Variants in RIPOR1 observed in about 807,000 individuals in gnomAD.
RIPOR1 encodes the protein rho family-interacting cell polarization regulator 1.
In RIPOR1, 58 loss-of-function variants were observed where a neutral mutation model predicts 116.5. The ratio of observed to expected loss-of-function variants is 0.50; its 90% CI spans 0.40 to 0.62. The LOEUF (loss-of-function observed/expected upper bound fraction) is 0.62, where lower values mean the gene tolerates loss of function less well. RIPOR1 is among the 20% of genes least tolerant of loss of function. RIPOR1 has a pLI of 0.00. For missense variants in RIPOR1, 1,372 were observed against 1,586.2 expected, an observed-to-expected ratio of 0.86 and a Z score of 2.29; for synonymous variants, 605 against 650.0, an observed-to-expected ratio of 0.93 and a Z score of 1.05.
chr16:67,539,994 G>C, intron 6 of RIPOR1, 59 bp from the exon 7 acceptor site: 1 of 1,613,448 alleles, frequency 6.2e-7, no homozygotes, highest in Non-Finnish European at 8.5e-7. Flanking sequence ...AACCTTAGAG[G>C]TGAGTAACCC....
rs942421646 is a variant in RIPOR1, at chr16:67,541,597, C to T, written c.950+19C>T. 3 of 1,613,960 alleles carry T rather than the reference C, an allele frequency of 1.9e-6. No homozygotes were observed. Among genetic ancestry groups the T allele is most frequent in the Non-Finnish European group, 8.5e-7 (1 of 1,179,862 alleles). On this transcript the variant is annotated intron_variant, in intron 11 of 21. Transcript: ENST00000042381. The surrounding 1 kb of genome is among the most constrained non-coding windows in gnomAD (Gnocchi z 4.6). ...CATGGAGGTTGGTGGGGCTGAGAGGCTTGGAGGAGGGCCAGGAGGGCTGTG... is the reference window on the plus strand; with the variant it reads ...CATGGAGGTTGGTGGGGCTGAGAGGTTTGGAGGAGGGCCAGGAGGGCTGTG...
At chr16:67,534,647 T>A (rs547783395) in intron 1 of RIPOR1, among the ~76,000 whole-genome samples, 1 of 152,234 alleles carries the variant, frequency 6.6e-6, no homozygotes, top group East Asian at 1.9e-4. Context: ...CTGACTTCTA[T>A]CACCATAGAT....
intron 4 of RIPOR1, 85 bp from the exon 5 acceptor site, chr16:67,539,643 A>C: frequency 6.7e-7 from 1 of 1,500,466 alleles, no homozygotes; most frequent in South Asian, 1.1e-5. Flanking sequence ...GGTGTGAGAA[A>C]GGGGAGCTGT....
intron 1 of RIPOR1, among the ~76,000 whole-genome samples, chr16:67,519,011 G>A (rs926009574): frequency 8.5e-5 from 13 of 152,364 alleles, no homozygotes; most frequent in Non-Finnish European, 1.6e-4. Context: ...CAGGCCAGGC[G>A]CAGTGGCTCA....
Position 67,544,191 on chromosome 16 carries a change from T to C in RIPOR1, c.2601-108T>C. On this transcript the variant is annotated intron_variant, in intron 14 of 21. Coordinates refer to ENST00000042381, the MANE Select transcript of RIPOR1 (RefSeq NM_024519.4). The surrounding 1 kb of genome is among the most constrained non-coding windows in gnomAD (Gnocchi z 5.1). ...AACTTACCCCACTGTCTGCTGTCGG[T>C]GCATCATCTTCTTCCTTTCTGGCAT... The C allele has an allele frequency of 7.1e-7, 1 of 1,401,194 alleles. No individual in the cohort carries two copies. The highest frequency in any genetic ancestry group is 9.7e-7 in the Non-Finnish European group (1 of 1,029,010). The allele number at this position is 1,401,194 out of a possible 1,614,324, so 86.8% of individuals were successfully genotyped here. A position where few individuals can be genotyped will look rare whatever the true frequency, so the allele number is the denominator to read the frequency against.
At chr16:67,532,564 A>G (rs2050689554) in intron 1 of RIPOR1, among the ~76,000 whole-genome samples, 1 of 152,118 alleles carries the variant, frequency 6.6e-6, no homozygotes, top group Non-Finnish European at 1.5e-5. Flanking sequence ...GGACATCCTC[A>G]TGAGAGGAGA....
chr16:67,540,297 C>T lies in RIPOR1; in HGVS notation c.568-3C>T. ...CCCTCCTGTCCCTGCCCCTCCCTCC[C>T]AGAGCATGTGTCTGCTGGAGAGCGA... is the stretch of plus-strand genomic sequence containing the variant. On this transcript the variant is annotated splice_polypyrimidine_tract_variant and splice_region_variant and intron_variant, in intron 7 of 21. Transcript: ENST00000042381. This position sits in a 1 kb window ranked among gnomAD's most constrained non-coding sequence, Gnocchi z 4.7. The T allele has an allele frequency of 6.2e-7, 1 of 1,614,136 alleles. No homozygotes were observed. The highest frequency in any genetic ancestry group is 8.5e-7 in the Non-Finnish European group (1 of 1,180,022).
intron 1 of RIPOR1, among the ~76,000 whole-genome samples, chr16:67,519,315 T>G (rs2050474073): frequency 6.7e-6 from 1 of 148,474 alleles, no homozygotes; most frequent in African/African-American, 2.5e-5. Context: ...GCCCACCCTG[T>G]GCAAAGATGG....
rs1224631633 is a variant in RIPOR1, at chr16:67,543,704, C to T, written c.2600+235C>T. ...CGTGTGTCCCCAGTGCTTCTGACCG[C>T]CCTCTTCATCTCTGCAATGTCTGCC... On this transcript the variant is annotated intron_variant, in intron 14 of 21. Transcript: ENST00000042381. This position sits in a 1 kb window ranked among gnomAD's most constrained non-coding sequence, Gnocchi z 4.7. 5.9e-5 allele frequency: 35 copies of T among 592,618 alleles called. No homozygotes were observed. The highest frequency in any genetic ancestry group is 1.0e-4 in the Non-Finnish European group (34 of 335,964). The allele number at this position is 592,618 out of a possible 1,614,324, so 36.7% of individuals were successfully genotyped here.
intron 1 of RIPOR1, among the ~76,000 whole-genome samples, chr16:67,523,522 A>T (rs1035096227): frequency 2.1e-3 from 154 of 72,728 alleles, no homozygotes; most frequent in African/African-American, 6.9e-3. Context: ...AAGACTCCAT[A>T]AAAAAAAAAA....
chr16:67,523,521 T>TAAAAA (rs1169903442), intron 1 of RIPOR1, among the ~76,000 whole-genome samples: 1 of 44,042 alleles, frequency 2.3e-5, no homozygotes, highest in African/African-American at 7.0e-5. Flanking sequence ...CAAGACTCCA[T>TAAAAA]AAAAAAAAAA....
chr16:67,528,441 C>T (rs577821372), upstream of RIPOR1: 3 of 152,302 alleles, frequency 2.0e-5, no homozygotes. Flanking sequence ...CTCCCCAAGG[C>T]CTTCACAACA....
chr16:67,524,009 T>A (rs903018873), upstream of RIPOR1, among the ~76,000 whole-genome samples: 5 of 151,978 alleles, frequency 3.3e-5, no homozygotes, highest in African/African-American at 1.2e-4. Context: ...CAATTCCTAC[T>A]CTCTTGAGTG....
chr16:67,521,647 C>T (rs991145596), intron 1 of RIPOR1, among the ~76,000 whole-genome samples: 38 of 152,258 alleles, frequency 2.5e-4, no homozygotes, highest in African/African-American at 8.7e-4. Context: ...CCCAAACCAG[C>T]AGAGCACCGC....
intron 1 of RIPOR1, among the ~76,000 whole-genome samples, chr16:67,521,281 A>G (rs1381651463): frequency 6.6e-6 from 1 of 152,184 alleles, no homozygotes; most frequent in African/African-American, 2.4e-5. Context: ...TTTACTTCTT[A>G]GGAGCAGAGT....
In RIPOR1 at chr16:67,545,059, C is replaced by A. The variant is rs201069301; in HGVS notation, c.2973C>A (p.Thr991=). The change falls in exon 17 of 22, where the codon ACC becomes ACA. Residue 991 remains threonine, a synonymous_variant. Coordinates refer to ENST00000042381, the MANE Select transcript of RIPOR1 (RefSeq NM_024519.4). This position sits in a 1 kb window ranked among gnomAD's most constrained non-coding sequence, Gnocchi z 4.8. ...GCCCGGTGGAGCGGGTGCTTCTCACCTTCTGCAACCAGTATGGTGCCCGCC... is the reference window on the plus strand; with the variant it reads ...GCCCGGTGGAGCGGGTGCTTCTCACATTCTGCAACCAGTATGGTGCCCGCC... ...FLCPVERVLL[T]FCNQYGARLS... is the part of the protein sequence containing the mutation. 5.0e-6 allele frequency: 8 copies of A among 1,613,038 alleles called. No individual in the cohort carries two copies. Among genetic ancestry groups the A allele is most frequent in the African/African-American group, 1.3e-5 (1 of 74,918 alleles).
chr16:67,523,720 G>A, intron 1 of RIPOR1, among the ~76,000 whole-genome samples: 1 of 148,178 alleles, frequency 6.7e-6, no homozygotes, highest in East Asian at 2.0e-4. Flanking sequence ...TCGCTCTGTT[G>A]CCCAGGCTGG....
In RIPOR1 at chr16:67,542,639, C is replaced by A; in HGVS notation, c.1853C>A (p.Thr618Asn). The change falls in exon 13 of 22, where the codon ACT becomes AAT. Residue 618 changes from threonine to asparagine, a missense_variant. Physicochemically the swap from Thr to Asn is moderately conservative, Grantham distance 65. Around this residue, in one of 3 missense-constraint regions of RIPOR1, gnomAD observed 1,005 missense variants for 1,144.7 expected, o/e 0.88. Transcript: ENST00000042381. The surrounding 1 kb of genome is among the most constrained non-coding windows in gnomAD (Gnocchi z 4.6). Reference protein sequence around the residue: ...PTHTTASPTHTSTSPTHTPTS... With the variant: ...PTHTTASPTHNSTSPTHTPTS... Reference sequence around the variant, plus strand: ...CATACCACAGCAAGCCCCACTCATACTTCCACAAGCCCCACCCATACCCCC... The same window carrying A: ...CATACCACAGCAAGCCCCACTCATAATTCCACAAGCCCCACCCATACCCCC... The A allele has an allele frequency of 6.2e-7, 1 of 1,613,490 alleles. No homozygotes were observed. The highest frequency in any genetic ancestry group is 8.5e-7 in the Non-Finnish European group (1 of 1,179,780).
chr16:67,542,764 C>A lies in RIPOR1; in HGVS notation c.1978C>A (p.Pro660Thr). The A allele has an allele frequency of 6.2e-7, 1 of 1,612,358 alleles. No individual in the cohort carries two copies. The highest frequency in any genetic ancestry group is 8.5e-7 in the Non-Finnish European group (1 of 1,179,512). The change falls in exon 13 of 22, where the codon CCT becomes ACT. Residue 660 changes from proline to threonine, a missense_variant. Pro to Thr is a conservative substitution (Grantham distance 38). Transcript: ENST00000042381. The surrounding 1 kb of genome is among the most constrained non-coding windows in gnomAD (Gnocchi z 4.6). Reference sequence around the variant, plus strand: ...CCAGACTGCCACAAGTCCCACCCATCCTACCACAAGCCCCACCCATCCCAC... The same window carrying A: ...CCAGACTGCCACAAGTCCCACCCATACTACCACAAGCCCCACCCATCCCAC... Reference protein sequence around the residue: ...LVQTATSPTHPTTSPTHPTTS... With the variant: ...LVQTATSPTHTTTSPTHPTTS...
Sources: allele counts gnomAD v4.1 joint callset (sites outside exome capture counted in the v4.1 genomes callset), GRCh38; gene constraint gnomAD v4.1.1; regional missense constraint gnomAD v4.1.1; non-coding constraint Gnocchi (gnomAD v3.1); transcripts MANE v1.5; gene names NCBI Gene and HGNC (gene_info 2026-07-23, HGNC 2026-07-21).